TMEM132C: variants seen among roughly 807,000 people sequenced by gnomAD.
TMEM132C encodes the protein transmembrane protein 132C.
Under a neutral mutation model 61.4 loss-of-function variants are expected in TMEM132C, and 29 were observed. The observed-to-expected ratio is 0.47, with a 90% confidence interval of 0.35 to 0.64. TMEM132C has a LOEUF of 0.64. Among genes scored for constraint, TMEM132C ranks in the 30% least tolerant of loss-of-function variants. TMEM132C has a pLI of 0.00. For synonymous variants in TMEM132C, 656 were observed against 633.1 expected (o/e 1.04, Z -0.54); for missense variants, 1,408 against 1,476.9 (o/e 0.95, Z 0.76).
intron 1 of TMEM132C, among the ~76,000 whole-genome samples, chr12:128,376,459 T>A (rs767039345): frequency 2.6e-5 from 4 of 152,186 alleles, no homozygotes; most frequent in Non-Finnish European, 4.4e-5. Context: ...AGTGTCAACT[T>A]TAGATATCAA....
At chr12:128,395,008 T>C (rs956074271) in intron 1 of TMEM132C, among the ~76,000 whole-genome samples, 1 of 151,954 alleles carries the variant, frequency 6.6e-6, no homozygotes, top group Admixed American at 6.6e-5. Context: ...GTAAGTGTGA[T>C]TTACTATTTA....
chr12:128,368,051 G>A (rs923349284), intron 1 of TMEM132C, among the ~76,000 whole-genome samples: 3 of 152,168 alleles, frequency 2.0e-5, no homozygotes, highest in East Asian at 1.9e-4. Context: ...GCAACTTTGC[G>A]TGAATTAGAA....
At chr12:128,541,707 G>T (rs1053241588) in intron 2 of TMEM132C, among the ~76,000 whole-genome samples, 1 of 152,202 alleles carries the variant, frequency 6.6e-6, no homozygotes, top group African/African-American at 2.4e-5. Flanking sequence ...GCTGTGAGAG[G>T]CTCAGAGCCC....
intron 4 of TMEM132C, 99 bp from the exon 5 acceptor site, chr12:128,669,317 CA>C (rs766846462): frequency 3.6e-6 from 5 of 1,400,506 alleles, no homozygotes; most frequent in Non-Finnish European, 4.8e-6. Context: ...CAAACAAGGA[CA>C]GCCTGGTGTT....
intron 1 of TMEM132C, among the ~76,000 whole-genome samples, chr12:128,290,631 A>C (rs2135908187): frequency 6.6e-6 from 1 of 152,302 alleles, no homozygotes; most frequent in South Asian, 2.1e-4. Context: ...ATTCCAGACC[A>C]GGACATTGCT....
chr12:128,381,552 C>G (rs913964065), intron 1 of TMEM132C, among the ~76,000 whole-genome samples: 1 of 152,172 alleles, frequency 6.6e-6, no homozygotes, highest in African/African-American at 2.4e-5. Context: ...AACCGACCAG[C>G]AAACCTATGG....
chr12:128,633,000 G>A (rs1954075234), intron 4 of TMEM132C, among the ~76,000 whole-genome samples: 1 of 152,152 alleles, frequency 6.6e-6, no homozygotes. Context: ...GCAATATAGG[G>A]CCAGGAATTC....
At chr12:128,503,801 G>A (rs974739490) in intron 2 of TMEM132C, among the ~76,000 whole-genome samples, 2 of 152,188 alleles carry the variant, frequency 1.3e-5, no homozygotes, top group Non-Finnish European at 1.5e-5. Context: ...ACCCAGGCCT[G>A]ACTGTCAACC....
chr12:128,373,289 T>G (rs1203708488), intron 1 of TMEM132C, among the ~76,000 whole-genome samples: 1 of 152,140 alleles, frequency 6.6e-6, no homozygotes, highest in Non-Finnish European at 1.5e-5. Context: ...CTCTGTCCTT[T>G]CTTGTCAAGG....
chr12:128,501,588 G>T, intron 2 of TMEM132C, among the ~76,000 whole-genome samples: 1 of 152,264 alleles, frequency 6.6e-6, no homozygotes, highest in South Asian at 2.1e-4. Context: ...GGGCTGTGAC[G>T]TGCTCTACCA....
chr12:128,392,039 T>C (rs1437019090), intron 1 of TMEM132C, among the ~76,000 whole-genome samples: 1 of 145,332 alleles, frequency 6.9e-6, no homozygotes, highest in Admixed American at 7.1e-5. Flanking sequence ...CACCCTCTGC[T>C]CTCTCTGTCT....
chr12:128,435,557 G>C (rs925431989), intron 2 of TMEM132C, among the ~76,000 whole-genome samples: 3 of 152,108 alleles, frequency 2.0e-5, no homozygotes, highest in African/African-American at 7.2e-5. Flanking sequence ...TTGCTACAAA[G>C]AGAATAAAAT....
At chr12:128,585,194 A>C (rs1340422570) in intron 3 of TMEM132C, among the ~76,000 whole-genome samples, 1 of 152,246 alleles carries the variant, frequency 6.6e-6, no homozygotes, top group Non-Finnish European at 1.5e-5. Context: ...ACGTGAAAAA[A>C]TGTATATTTG....
At chr12:128,307,266 A>G (rs1447153403) in intron 1 of TMEM132C, among the ~76,000 whole-genome samples, 1 of 152,164 alleles carries the variant, frequency 6.6e-6, no homozygotes, top group African/African-American at 2.4e-5. Context: ...CTGTCCCCAA[A>G]GTGGGGTGTT....
Position 128,267,364 on chromosome 12 carries a change from C to T in TMEM132C, c.-39C>T. ...GGGGCCGCGGGCGGGCGCTGCGCTT[C>T]GGGCTGGCGGCGGGCTGCGTGAGCG... On this transcript the variant is annotated 5_prime_UTR_variant, in exon 1 of 9. Transcript: ENST00000435159. 3.9e-6 allele frequency: 4 copies of T among 1,028,094 alleles called. No individual in the cohort carries two copies. Among genetic ancestry groups the T allele is most frequent in the East Asian group, 8.1e-5 (1 of 12,378 alleles). 63.7% of individuals were successfully genotyped at this position (1,028,094 alleles called of 1,614,324 possible). A position where few individuals can be genotyped will look rare whatever the true frequency, so the allele number is the denominator to read the frequency against.
At chr12:128,672,175 C>A (rs770986253) in intron 5 of TMEM132C, among the ~76,000 whole-genome samples, 5 of 151,724 alleles carry the variant, frequency 3.3e-5, no homozygotes, top group African/African-American at 1.2e-4. Context: ...GTGTTTTATA[C>A]TAACAGCACA....
Position 128,415,110 on chromosome 12 carries a change from G to A in TMEM132C, c.464G>A (p.Gly155Asp), listed in dbSNP as rs756676374. The change falls in exon 2 of 9, where the codon GGC (glycine) becomes GAC (aspartate). Residue 155 changes from glycine to aspartate, a missense_variant. Gly to Asp is a moderately conservative substitution (Grantham distance 94, BLOSUM62 -1). Transcript: ENST00000435159. This position sits in a 1 kb window ranked among gnomAD's most constrained non-coding sequence, Gnocchi z 5.8. ...PKVQVLFHIMGRDWDDHGAGE... is the reference protein window; with the variant it reads ...PKVQVLFHIMDRDWDDHGAGE... Reference sequence around the variant, plus strand: ...GTGCAGGTTCTTTTCCACATCATGGGCAGAGACTGGGATGACCACGGCGCC... The same window carrying A: ...GTGCAGGTTCTTTTCCACATCATGGACAGAGACTGGGATGACCACGGCGCC... The A allele has an allele frequency of 1.9e-6, 3 of 1,609,218 alleles. No individual in the cohort carries two copies. The highest frequency in any genetic ancestry group is 2.2e-5 in the East Asian group (1 of 44,610).
intron 4 of TMEM132C, among the ~76,000 whole-genome samples, chr12:128,625,572 G>A (rs1954007456): frequency 6.6e-6 from 1 of 152,174 alleles, no homozygotes; most frequent in South Asian, 2.1e-4. Context: ...GGCAGGCAAA[G>A]AGAATTTCGA....
At chr12:128,650,472 C>A (rs779944274) in intron 4 of TMEM132C, among the ~76,000 whole-genome samples, 56 of 152,032 alleles carry the variant, frequency 3.7e-4, no homozygotes, top group African/African-American at 1.1e-3. Flanking sequence ...ATCTGTAATC[C>A]CAGCACTTTG....
Sources: allele counts gnomAD v4.1 joint callset (sites outside exome capture counted in the v4.1 genomes callset), GRCh38; gene constraint gnomAD v4.1.1; non-coding constraint Gnocchi (gnomAD v3.1); transcripts MANE v1.5; gene names NCBI Gene and HGNC (gene_info 2026-07-23, HGNC 2026-07-21).